The following KLF12 variants were observed in gnomAD, a reference collection of about 807,000 sequenced individuals.
KLF12 encodes the protein Krueppel-like factor 12.
In KLF12, 9 loss-of-function variants were observed where a neutral mutation model predicts 37.8. The ratio of observed to expected loss-of-function variants is 0.24; its 90% confidence interval spans 0.14 to 0.42. The LOEUF (loss-of-function observed/expected upper bound fraction) is 0.42. Among genes scored for constraint, KLF12 ranks in the 10% least tolerant of loss-of-function variants. KLF12 has a pLI of 1.00. For synonymous variants in KLF12, 208 were observed against 202.1 expected (o/e 1.03, Z -0.25); for missense variants, 411 against 516.0 (o/e 0.80, Z 1.97).
chr13:73,730,658 G>A (rs2137802262), intron 6 of KLF12, among the ~76,000 whole-genome samples: 1 of 152,248 alleles, frequency 6.6e-6, no homozygotes, highest in South Asian at 2.1e-4. Flanking sequence ...AAGCTTAATA[G>A]AGGACACCAA....
At chr13:73,778,774 C>T (rs535977906) in intron 5 of KLF12, among the ~76,000 whole-genome samples, 1 of 152,142 alleles carries the variant, frequency 6.6e-6, no homozygotes, top group African/African-American at 2.4e-5. Flanking sequence ...TGTACCTAAC[C>T]CAAGGTCACA....
intron 3 of KLF12, among the ~76,000 whole-genome samples, chr13:73,913,153 GCTCA>G (rs1246746710): frequency 2.0e-5 from 3 of 152,160 alleles, no homozygotes; most frequent in South Asian, 2.1e-4. Flanking sequence ...TCAGGACTGA[GCTCA>G]CTATCAGGCA....
In KLF12 at chr13:73,695,314, T is replaced by C. The variant is rs1010386233; in HGVS notation, c.*176A>G. ...GGTAAAGACGGTTCTCGTCTAGTCA[T>C]GATGGGGGTTACCTTCAGACCAAAA... On this transcript the variant is annotated 3_prime_UTR_variant, in exon 8 of 8. Transcript: ENST00000377669. 6.5e-6 allele frequency: 4 copies of C among 614,538 alleles called. No individual in the cohort carries two copies. The highest frequency in any genetic ancestry group is 5.5e-5 in the African/African-American group (3 of 54,222). 38.1% of individuals were successfully genotyped at this position (614,538 alleles called of 1,614,324 possible).
chr13:74,092,614 C>T (rs185028948), intron 1 of KLF12, among the ~76,000 whole-genome samples: 4 of 149,102 alleles, frequency 2.7e-5, no homozygotes, highest in African/African-American at 7.4e-5. Context: ...ACAGAGACTC[C>T]AACTCAAAAA....
At position 73,998,000 on chromosome 13, in the gene KLF12, A is replaced by G. The variant is rs147556886; in HGVS notation, c.-31-2947T>C. Among the ~76,000 whole-genome samples the G allele has an allele frequency of 4.6e-3, 699 of 152,318 alleles. 3 individuals are homozygous for G. Among genetic ancestry groups the G allele is most frequent in the Middle Eastern group, 0.014 (4 of 294 alleles). ...CCAGTTACACCTGTTTCTCTTTAGT[A>G]GCTGCAAGCAATAGAGAATGATTTT... On this transcript the variant is annotated intron_variant, in intron 1 of 7. Coordinates refer to ENST00000377669, the MANE Select transcript of KLF12 (RefSeq NM_007249.5).
intron 3 of KLF12, among the ~76,000 whole-genome samples, chr13:73,943,162 C>T (rs1890265760): frequency 6.6e-6 from 1 of 152,172 alleles, no homozygotes. Flanking sequence ...AAGAGAGACA[C>T]TGATAAGGTA....
At chr13:73,715,250 A>G in intron 7 of KLF12, 118 bp downstream of exon 7, 1 of 713,504 alleles carries the variant, frequency 1.4e-6, no homozygotes, top group Non-Finnish European at 2.3e-6. Flanking sequence ...GCCTAGAAGG[A>G]GGGAACTGGA....
the KLF12 span, among the ~76,000 whole-genome samples, chr13:74,214,406 T>G: frequency 4.6e-5 from 7 of 152,214 alleles, no homozygotes; most frequent in Non-Finnish European, 1.0e-4. Flanking sequence ...TGTCTTCCTG[T>G]ATTTTAGTTA....
chr13:74,032,783 T>C (rs1323653299), intron 1 of KLF12, among the ~76,000 whole-genome samples: 1 of 152,204 alleles, frequency 6.6e-6, no homozygotes, highest in Non-Finnish European at 1.5e-5. Flanking sequence ...CTTATACTTC[T>C]TCTTTGCTGC....
chr13:73,944,199 A>C, intron 2 of KLF12, 129 bp from the exon 3 acceptor site: 1 of 641,908 alleles, frequency 1.6e-6, no homozygotes. Context: ...AAGAATAATT[A>C]AATGAAAATA....
At position 73,765,065 on chromosome 13, in the gene KLF12, AT is replaced by A. The variant is rs768749823; in HGVS notation, c.807-66del. The A allele has an allele frequency of 2.7e-4, 253 of 949,048 alleles. 1 individual carries two copies. Among genetic ancestry groups the A allele is most frequent in the Non-Finnish European group, 3.9e-4 (237 of 609,312 alleles). 58.8% of individuals were successfully genotyped at this position (949,048 alleles called of 1,614,324 possible). On this transcript the variant is annotated intron_variant, in intron 5 of 7. Coordinates refer to ENST00000377669, the MANE Select transcript of KLF12 (RefSeq NM_007249.5). ...TATTCCCAATTGCAAATTTAAAAAAATGGCATGTTTTATAAATAATTTCTTT... is the reference window on the plus strand; with the variant it reads ...TATTCCCAATTGCAAATTTAAAAAAAGGCATGTTTTATAAATAATTTCTTT...
At chr13:74,261,900 G>C in the KLF12 span, among the ~76,000 whole-genome samples, 2 of 152,186 alleles carry the variant, frequency 1.3e-5, no homozygotes, top group Non-Finnish European at 2.9e-5. Context: ...AGAGCTTCAT[G>C]ACCAAATGAA....
At chr13:73,995,198 G>GTGTT (rs1430885574) in intron 1 of KLF12, 145 bp from the exon 2 acceptor site, 42 of 600,614 alleles carry the variant, frequency 7.0e-5, no homozygotes, top group Admixed American at 2.3e-4. Flanking sequence ...CTTCAGCTAT[G>GTGTT]TGTTGTTGGC....
At chr13:74,185,137 G>C in the KLF12 span, among the ~76,000 whole-genome samples, 1 of 152,180 alleles carries the variant, frequency 6.6e-6, no homozygotes, top group Non-Finnish European at 1.5e-5. Context: ...AGATGGAGTT[G>C]AGGTACCCAA....
chr13:74,053,361 T>C (rs1873040117), intron 1 of KLF12, among the ~76,000 whole-genome samples: 1 of 150,048 alleles, frequency 6.7e-6, no homozygotes, highest in African/African-American at 2.5e-5. Flanking sequence ...AGAAATACCA[T>C]ATATTTTCTT....
intron 6 of KLF12, among the ~76,000 whole-genome samples, chr13:73,759,356 C>T (rs907395273): frequency 6.6e-6 from 1 of 152,216 alleles, no homozygotes; most frequent in East Asian, 1.9e-4. Context: ...CAGTGAAATA[C>T]TCTAGTAATT....
chr13:73,857,606 C>A (rs1885673200), intron 3 of KLF12, among the ~76,000 whole-genome samples: 1 of 152,144 alleles, frequency 6.6e-6, no homozygotes, highest in East Asian at 1.9e-4. Flanking sequence ...CAGGGACTTA[C>A]ATTTAGACAC....
At chr13:74,056,578 C>G (rs1218551266) in intron 1 of KLF12, among the ~76,000 whole-genome samples, 8 of 152,164 alleles carry the variant, frequency 5.3e-5, no homozygotes, top group Admixed American at 5.2e-4. Flanking sequence ...TAAAACTTAT[C>G]TAAGTATTTG....
rs933458596 is a variant in KLF12, at chr13:73,802,226, A to G, written c.806+10926T>C. The G allele has an allele frequency of 9.2e-5, 14 of 152,088 alleles. No individual in the cohort carries two copies. In the South Asian group the frequency reaches 1.5e-3, roughly 16 times the overall value. 9.4% of individuals were successfully genotyped at this position (152,088 alleles called of 1,614,324 possible). ...TTTCATACACATCTTTTAATGATCA[A>G]GAAGATTCATGCACAAAAAATTATC... On this transcript the variant is annotated intron_variant, in intron 5 of 7. Coordinates refer to ENST00000377669, the MANE Select transcript of KLF12 (RefSeq NM_007249.5).
Sources: allele counts gnomAD v4.1 joint callset (sites outside exome capture counted in the v4.1 genomes callset), GRCh38; gene constraint gnomAD v4.1.1; transcripts MANE v1.5; gene names NCBI Gene and HGNC (gene_info 2026-07-23, HGNC 2026-07-21).